Variants in RAP2A observed in about 807,000 individuals in gnomAD.
The protein encoded by RAP2A is RAP2A, member of RAS oncogene family, also known as ras-related protein Rap-2a.
RAP2A carries 5 observed loss-of-function variants against 15.1 expected under a neutral mutation model. The ratio of observed to expected loss-of-function variants is 0.33; its 90% CI spans 0.17 to 0.70. RAP2A has a LOEUF of 0.70. Among genes scored for constraint, RAP2A ranks in the 30% least tolerant of loss-of-function variants. RAP2A has a pLI of 0.68. For missense variants in RAP2A, 111 were observed against 240.3 expected, an observed-to-expected ratio of 0.46 and a Z score of 3.56; for synonymous variants, 110 against 99.7, an observed-to-expected ratio of 1.10 and a Z score of -0.62.
chr13:97,462,158 C>G (rs1351466835), intron 1 of RAP2A, among the ~76,000 whole-genome samples: 2 of 149,380 alleles, frequency 1.3e-5, no homozygotes, highest in Non-Finnish European at 3.0e-5. Flanking sequence ...TTTTATTATT[C>G]ATAGACAGAC....
chr13:97,441,752 C>T (rs9582132), intron 1 of RAP2A: 12,186 of 448,132 alleles, frequency 0.027, 250 homozygotes, highest in African/African-American at 0.062. Flanking sequence ...TTTTTTTACA[C>T]ACTTATATTT....
intron 1 of RAP2A, among the ~76,000 whole-genome samples, chr13:97,459,233 T>C (rs1306916961): frequency 6.6e-6 from 1 of 151,750 alleles, no homozygotes; most frequent in Admixed American, 6.6e-5. Context: ...TTTGCATCTT[T>C]AGCTTTATGT....
intron 1 of RAP2A, among the ~76,000 whole-genome samples, chr13:97,461,895 G>A (rs992234511): frequency 2.7e-5 from 4 of 150,168 alleles, no homozygotes; most frequent in African/African-American, 4.9e-5. Context: ...CCCGGGAGGC[G>A]GAGCTTGCAG....
At chr13:97,456,039 C>A (rs1250078881) in intron 1 of RAP2A, among the ~76,000 whole-genome samples, 1 of 150,350 alleles carries the variant, frequency 6.7e-6, no homozygotes, top group South Asian at 2.1e-4. Flanking sequence ...GCCAGAAAGA[C>A]AGATTTCTAA....
intron 1 of RAP2A, among the ~76,000 whole-genome samples, chr13:97,435,336 C>T (rs2066628674): frequency 6.6e-6 from 1 of 152,038 alleles, no homozygotes; most frequent in Admixed American, 6.5e-5. Flanking sequence ...TATTTGAAGA[C>T]ATCATAAGCT....
intron 1 of RAP2A, among the ~76,000 whole-genome samples, chr13:97,446,550 G>T (rs1323718383): frequency 6.6e-6 from 1 of 152,176 alleles, no homozygotes; most frequent in Admixed American, 6.5e-5. Flanking sequence ...TGTGCTGCCT[G>T]TTAAGACTGT....
At chr13:97,451,059 G>A (rs2066700378) in intron 1 of RAP2A, among the ~76,000 whole-genome samples, 1 of 152,148 alleles carries the variant, frequency 6.6e-6, no homozygotes, top group Non-Finnish European at 1.5e-5. Context: ...GCATTGTACA[G>A]AAGTTTAAAA....
At chr13:97,445,622 C>T (rs1276286693) in intron 1 of RAP2A, among the ~76,000 whole-genome samples, 1 of 152,158 alleles carries the variant, frequency 6.6e-6, no homozygotes, top group East Asian at 1.9e-4. Context: ...TTTTGGAGTG[C>T]TGTTACCTTT....
rs765445315 is a variant in RAP2A at position 97,468,562 on chromosome 13, C to T, written c.*4120C>T. On this transcript the variant is annotated 3_prime_UTR_variant, in exon 2 of 2. Transcript: ENST00000245304. Reference sequence around the variant, plus strand: ...AAACTATGCCTTTTGGTTATGTTGCCTTCAAACTCTGTTGAAATCCTCTGG... The same window carrying T: ...AAACTATGCCTTTTGGTTATGTTGCTTTCAAACTCTGTTGAAATCCTCTGG... 9.9e-5 allele frequency: 15 copies of T among 152,226 alleles called. No individual in the cohort carries two copies. Among genetic ancestry groups the T allele is most frequent in the African/African-American group, 2.4e-4 (10 of 41,460 alleles). The allele number at this position is 152,226 out of a possible 1,614,324, so 9.4% of individuals were successfully genotyped here.
At position 97,455,260 on chromosome 13, in the gene RAP2A, G is replaced by A. The variant is rs189687614; in HGVS notation, c.315-8945G>A. Among the ~76,000 whole-genome samples, 63 of 151,428 alleles carry A rather than the reference G, an allele frequency of 4.2e-4. 3 individuals carry two copies. The highest frequency in any genetic ancestry group is 1.4e-3 in the African/African-American group (58 of 41,164). On this transcript the variant is annotated intron_variant, in intron 1 of 1. Transcript: ENST00000245304. ...TTCTAAAATTTTCATGTGGTTTATTGTATTTTATGAGAGCATTTTATTTTT... is the reference window on the plus strand; with the variant it reads ...TTCTAAAATTTTCATGTGGTTTATTATATTTTATGAGAGCATTTTATTTTT...
At chr13:97,463,787 C>T (rs1203982191) in intron 1 of RAP2A, among the ~76,000 whole-genome samples, 1 of 152,100 alleles carries the variant, frequency 6.6e-6, no homozygotes, top group Non-Finnish European at 1.5e-5. Context: ...ATTTTATACA[C>T]ATAGAACATA....
At chr13:97,434,850 C>T in intron 1 of RAP2A, 66 bp downstream of exon 1, 2 of 1,580,682 alleles carry the variant, frequency 1.3e-6, no homozygotes, top group Non-Finnish European at 1.7e-6. Flanking sequence ...GCTGGAACTC[C>T]CCGCGCGGGG....
chr13:97,444,617 C>T (rs2066672279), intron 1 of RAP2A, among the ~76,000 whole-genome samples: 1 of 152,156 alleles, frequency 6.6e-6, no homozygotes, highest in South Asian at 2.1e-4. Context: ...CTATCTTTGT[C>T]CTTCTGGTGT....
At chr13:97,461,988 A>T (rs9300415) in intron 1 of RAP2A, among the ~76,000 whole-genome samples, 10 of 144,222 alleles carry the variant, frequency 6.9e-5, no homozygotes, top group Admixed American at 2.8e-4. Flanking sequence ...ATATATATAT[A>T]TTTATATATT....
Position 97,464,589 on chromosome 13 carries a change from G to A in RAP2A, c.*147G>A, listed in dbSNP as rs2066762399. 3 of 749,022 alleles carry A rather than the reference G, an allele frequency of 4.0e-6. No individual in the cohort carries two copies. The East Asian group carries it at 7.6e-5, about 19-fold the overall frequency. The allele number at this position is 749,022 out of a possible 1,614,324, so 46.4% of individuals were successfully genotyped here. On this transcript the variant is annotated 3_prime_UTR_variant, in exon 2 of 2. Coordinates refer to ENST00000245304, the MANE Select transcript of RAP2A (RefSeq NM_021033.7). ...ATTCAGAATTGAGCAGTGATTGTCA[G>A]TTGATATCTCTGAGTAACATTTGGG... is the stretch of plus-strand genomic sequence containing the variant.
chr13:97,445,122 C>A (rs1431882885), intron 1 of RAP2A, among the ~76,000 whole-genome samples: 1 of 152,192 alleles, frequency 6.6e-6, no homozygotes, highest in African/African-American at 2.4e-5. Context: ...AAAGTCCCCA[C>A]CTCTTCATTC....
At chr13:97,453,016 T>C (rs1349443507) in intron 1 of RAP2A, among the ~76,000 whole-genome samples, 1 of 151,436 alleles carries the variant, frequency 6.6e-6, no homozygotes, top group Admixed American at 6.6e-5. Flanking sequence ...AAACACTTTA[T>C]AAGTTATGTT....
Position 97,434,674 on chromosome 13 carries a change from G to A in RAP2A, c.204G>A (p.Arg68=). The change falls in exon 1 of 2, where the codon CGG becomes CGA. Residue 68 remains arginine (R), a synonymous_variant. Transcript: ENST00000245304. ...GCACCGAGCAGTTCGCGTCCATGCG[G>A]GACCTGTACATCAAGAACGGCCAGG... ...TAGTEQFASM[R]DLYIKNGQGF... is the part of the protein sequence containing the mutation. 6.2e-7 allele frequency: 1 copy of A among 1,614,166 alleles called. No homozygotes were observed. The highest frequency in any genetic ancestry group is 8.5e-7 in the Non-Finnish European group (1 of 1,180,020).
In RAP2A at chr13:97,464,687, C is replaced by G. The variant is rs924892347; in HGVS notation, c.*245C>G. ...TCTGCAACTTTAAGGCATAGTCCATCGATCTACAGGGTGATCTCATTTGAA... is the reference window on the plus strand; with the variant it reads ...TCTGCAACTTTAAGGCATAGTCCATGGATCTACAGGGTGATCTCATTTGAA... On this transcript the variant is annotated 3_prime_UTR_variant, in exon 2 of 2. Coordinates refer to ENST00000245304, the MANE Select transcript of RAP2A (RefSeq NM_021033.7). 1.9e-6 allele frequency: 1 copy of G among 523,222 alleles called. No homozygotes were observed. The highest frequency in any genetic ancestry group is 1.9e-5 in the African/African-American group (1 of 52,642). 32.4% of individuals were successfully genotyped at this position (523,222 alleles called of 1,614,324 possible).
Sources: gnomAD v4.1 joint callset for allele counts (sites outside exome capture counted in the v4.1 genomes callset) on GRCh38, gnomAD v4.1.1 for gene constraint, MANE v1.5 for transcripts, NCBI Gene and HGNC (gene_info 2026-07-23, HGNC 2026-07-21) for gene names.